Variants in MAPK4 observed in about 807,000 individuals in gnomAD.
MAPK4 encodes the protein mitogen-activated protein kinase 4.
MAPK4 carries 22 observed loss-of-function variants against 47.7 expected under a neutral mutation model. The ratio of observed to expected loss-of-function variants is 0.46; its 90% CI spans 0.33 to 0.66. The LOEUF (loss-of-function observed/expected upper bound fraction) is 0.66. Ranked by LOEUF, MAPK4 falls within the 30% of genes least tolerant of loss-of-function variation. MAPK4 has a pLI of 0.02. For synonymous variants in MAPK4, 390 were observed against 365.7 expected (o/e 1.07, Z -0.76); for missense variants, 736 against 831.7 (o/e 0.88, Z 1.42).
intron 1 of MAPK4, among the ~76,000 whole-genome samples, chr18:50,604,457 A>G (rs1045105906): frequency 2.6e-5 from 4 of 152,194 alleles, no homozygotes; most frequent in African/African-American, 9.7e-5. Flanking sequence ...GTAATTGCAA[A>G]ATACCCCTAA....
intron 2 of MAPK4, among the ~76,000 whole-genome samples, chr18:50,693,809 A>G (rs1909362583): frequency 7.3e-6 from 1 of 136,650 alleles, no homozygotes; most frequent in East Asian, 2.1e-4. Flanking sequence ...TAGAGTGGCT[A>G]AGAGACTTGC....
chr18:50,571,361 C>T (rs898614374), intron 1 of MAPK4, among the ~76,000 whole-genome samples: 6 of 152,070 alleles, frequency 3.9e-5, no homozygotes, highest in African/African-American at 9.7e-5. Flanking sequence ...AGATTGTGAC[C>T]GAGCCTTTGG....
chr18:50,723,154 T>A (rs997532088), intron 4 of MAPK4, among the ~76,000 whole-genome samples: 2 of 152,186 alleles, frequency 1.3e-5, no homozygotes, highest in African/African-American at 4.8e-5. Flanking sequence ...GGAGCATGGA[T>A]GGGCAGGGGA....
rs2042467030 is a variant in MAPK4 at position 50,594,692 on chromosome 18, T to C, written c.-871+34449T>C. On this transcript the variant is annotated intron_variant, in intron 1 of 5. Transcript: ENST00000400384. Reference sequence around the variant, plus strand: ...TAAGATTTTTGATTAGAGATTAGGGTACAAAAAGTACAAATCATAAAAGAA... The same window carrying C: ...TAAGATTTTTGATTAGAGATTAGGGCACAAAAAGTACAAATCATAAAAGAA... 2.0e-5 allele frequency among the ~76,000 whole-genome samples: 3 copies of C among 152,114 alleles called. No individual in the cohort carries two copies. In the South Asian group the frequency reaches 6.2e-4, roughly 32 times the overall value.
At chr18:50,585,562 G>A (rs1472293611) in intron 1 of MAPK4, among the ~76,000 whole-genome samples, 1 of 152,170 alleles carries the variant, frequency 6.6e-6, no homozygotes, top group Non-Finnish European at 1.5e-5. Flanking sequence ...GCAAAAGTAT[G>A]AGTATGACCT....
chr18:50,642,559 G>A (rs962101442), intron 1 of MAPK4, among the ~76,000 whole-genome samples: 1 of 152,126 alleles, frequency 6.6e-6, no homozygotes, highest in Non-Finnish European at 1.5e-5. Flanking sequence ...CTGTTTTCAG[G>A]AGCAACTTTG....
At position 50,729,818 on chromosome 18, in the gene MAPK4, C is replaced by T. The variant is rs771655128; in HGVS notation, c.1728C>T (p.Leu576=). The change falls in exon 6 of 6, where the codon CTC becomes CTT. Residue 576 remains leucine, a synonymous_variant. Coordinates refer to ENST00000400384, the MANE Select transcript of MAPK4 (RefSeq NM_002747.4). The part of the protein sequence containing the change: ...GACIPEHPGD[L]VQTEAFSKER... ...GCATCCCCGAGCACCCTGGCGACCTCGTGCAGACCGAGGCCTTCTCCAAAG... is the reference window on the plus strand; with the variant it reads ...GCATCCCCGAGCACCCTGGCGACCTTGTGCAGACCGAGGCCTTCTCCAAAG... 2 of 1,612,192 alleles carry T rather than the reference C, an allele frequency of 1.2e-6. No homozygotes were observed. The highest frequency in any genetic ancestry group is 1.3e-5 in the African/African-American group (1 of 75,058).
At chr18:50,618,042 C>T (rs2042699485) in intron 1 of MAPK4, among the ~76,000 whole-genome samples, 1 of 152,192 alleles carries the variant, frequency 6.6e-6, no homozygotes, top group Non-Finnish European at 1.5e-5. Flanking sequence ...TGCCCTAAAA[C>T]TGGTTTTCTA....
intron 1 of MAPK4, among the ~76,000 whole-genome samples, chr18:50,618,885 T>C (rs1230533365): frequency 6.6e-6 from 1 of 152,228 alleles, no homozygotes; most frequent in East Asian, 1.9e-4. Context: ...GAGAATACTA[T>C]CTGAAAGTCA....
At chr18:50,599,266 ACT>A (rs1226346495) in intron 1 of MAPK4, among the ~76,000 whole-genome samples, 1 of 152,106 alleles carries the variant, frequency 6.6e-6, no homozygotes. Flanking sequence ...GCTCTCACTA[ACT>A]CTTACTTCTC....
At chr18:50,695,385 C>T (rs1242927251) in intron 2 of MAPK4, among the ~76,000 whole-genome samples, 2 of 145,290 alleles carry the variant, frequency 1.4e-5, no homozygotes, top group Non-Finnish European at 3.0e-5. Context: ...AGTCTTAGCA[C>T]ATCAGGGAAA....
intron 2 of MAPK4, among the ~76,000 whole-genome samples, chr18:50,681,831 C>T (rs1908603928): frequency 6.6e-6 from 1 of 152,142 alleles, no homozygotes; most frequent in African/African-American, 2.4e-5. Context: ...GTTTTGAAGT[C>T]AGGAAGTATG....
chr18:50,580,277 T>G (rs1336171942), intron 1 of MAPK4, among the ~76,000 whole-genome samples: 4 of 152,186 alleles, frequency 2.6e-5, no homozygotes, highest in Admixed American at 2.6e-4. Flanking sequence ...ATAGGTCACC[T>G]TTGTTGAGGT....
intron 1 of MAPK4, among the ~76,000 whole-genome samples, chr18:50,647,884 T>A (rs996619122): frequency 1.3e-5 from 2 of 152,114 alleles, no homozygotes; most frequent in African/African-American, 4.8e-5. Context: ...GAAGGGCACC[T>A]TTATGACTCA....
rs531321758 is a variant in MAPK4 at position 50,593,999 on chromosome 18, G to T, written c.-871+33756G>T. ...CAAAAGCAGGGAAGCTGATAGTGCA[G>T]CCTTCAGTCTGTGGCCAAAGGCCCA... On this transcript the variant is annotated intron_variant, in intron 1 of 5. Coordinates refer to ENST00000400384, the MANE Select transcript of MAPK4 (RefSeq NM_002747.4). Among the ~76,000 whole-genome samples, 46 of 152,324 alleles carry T rather than the reference G, an allele frequency of 3.0e-4. No individual in the cohort carries two copies. In the South Asian group the frequency reaches 5.0e-3, roughly 16 times the overall value.
intron 1 of MAPK4, among the ~76,000 whole-genome samples, chr18:50,626,153 G>T (rs2042776296): frequency 6.6e-6 from 1 of 152,112 alleles, no homozygotes; most frequent in Non-Finnish European, 1.5e-5. Flanking sequence ...ACATTATGAA[G>T]GGTCATCTGC....
At chr18:50,582,270 T>G (rs1598795029) in intron 1 of MAPK4, among the ~76,000 whole-genome samples, 1 of 152,214 alleles carries the variant, frequency 6.6e-6, no homozygotes, top group East Asian at 1.9e-4. Context: ...TCTCCTGTTC[T>G]GTGGTACAGC....
At chr18:50,673,218 C>T (rs946777151) in intron 2 of MAPK4, among the ~76,000 whole-genome samples, 4 of 152,060 alleles carry the variant, frequency 2.6e-5, no homozygotes, top group Non-Finnish European at 5.9e-5. Context: ...CAGAGGTTGC[C>T]GTGAGCCGAG....
At position 50,634,258 on chromosome 18, in the gene MAPK4, G is replaced by A. The variant is rs147627494; in HGVS notation, c.-870-28831G>A. On this transcript the variant is annotated intron_variant, in intron 1 of 5. Coordinates refer to ENST00000400384, the MANE Select transcript of MAPK4 (RefSeq NM_002747.4). ...GCACCTGGTGTGCATTAATTCAAGT[G>A]TTGTTTGCCTGGCATGTGCAACTTT... 3.3e-3 allele frequency among the ~76,000 whole-genome samples: 505 copies of A among 151,516 alleles called. 8 individuals carry two copies. In the South Asian group the frequency reaches 0.041, roughly 12 times the overall value.
Sources: gnomAD v4.1 joint callset for allele counts (sites outside exome capture counted in the v4.1 genomes callset) on GRCh38, gnomAD v4.1.1 for gene constraint, MANE v1.5 for transcripts, NCBI Gene and HGNC (gene_info 2026-07-23, HGNC 2026-07-21) for gene names.